Variants in PCDHA13 observed in about 807,000 individuals in gnomAD.
The protein encoded by PCDHA13 is protocadherin alpha-13.
A neutral mutation model predicts 64.8 loss-of-function variants in PCDHA13; 54 were observed. The observed-to-expected ratio is 0.83, with a 90% CI of 0.67 to 1.04. The LOEUF is 1.04. Among genes scored for constraint, PCDHA13 ranks in the 50% least tolerant of loss-of-function variants. PCDHA13 has a pLI of 0.00. For missense variants in PCDHA13, 1,248 were observed against 1,254.3 expected (o/e 0.99, Z 0.08); for synonymous variants, 587 against 564.4 (o/e 1.04, Z -0.57).
intron 3 of PCDHA13, 146 bp downstream of exon 3, chr5:140,982,709 A>G (rs2096998107): frequency 2.2e-6 from 3 of 1,375,182 alleles, no homozygotes; most frequent in Admixed American, 2.9e-5. Flanking sequence ...ATTTCCTTAC[A>G]TATATGATTA....
rs142468733 is a variant in PCDHA13 at position 140,884,535 on chromosome 5, C to G, written c.2267C>G (p.Pro756Arg). 4,368 of 1,614,034 alleles carry G rather than the reference C, an allele frequency of 2.7e-3. 82 individuals are homozygous for G. The South Asian group carries it at 0.038, about 14-fold the overall frequency. The change falls in exon 1 of 4, where the codon CCG becomes CGG. Residue 756 changes from proline to arginine, a missense_variant. Pro to Arg is a moderately radical substitution (Grantham distance 103, BLOSUM62 -2). Coordinates refer to ENST00000289272, the MANE Select transcript of PCDHA13 (RefSeq NM_018904.3). ...TGGTCGTACTCGCAGCAGAGGCGGC[C>G]GAGGGTGTGCTCTGGGGAGGGCCCG... ...GSWSYSQQRR[P>R]RVCSGEGPHK...
chr5:140,923,247 T>G (rs1230824523), intron 1 of PCDHA13, among the ~76,000 whole-genome samples: 6 of 152,252 alleles, frequency 3.9e-5, no homozygotes, highest in African/African-American at 1.4e-4. Flanking sequence ...TGAGACCAGC[T>G]GGGCAACATA....
At chr5:140,904,729 TA>T (rs1313627737) in intron 1 of PCDHA13, among the ~76,000 whole-genome samples, 4 of 152,162 alleles carry the variant, frequency 2.6e-5, no homozygotes, top group East Asian at 1.9e-4. Context: ...CAACATCTAT[TA>T]TTTTTTTATT....
At chr5:140,968,920 A>G (rs781931367) in intron 1 of PCDHA13, 1 of 1,614,120 alleles carries the variant, frequency 6.2e-7, no homozygotes, top group Admixed American at 1.7e-5. Flanking sequence ...TGTCTTTTAT[A>G]TTTCTTTTGA....
chr5:140,995,764 G>C (rs2097697128), intron 3 of PCDHA13, among the ~76,000 whole-genome samples: 1 of 152,134 alleles, frequency 6.6e-6, no homozygotes, highest in Non-Finnish European at 1.5e-5. Flanking sequence ...AGAAAATGTG[G>C]AGAGTGAAGG....
chr5:140,957,021 T>C (rs1431974405), intron 1 of PCDHA13, among the ~76,000 whole-genome samples: 3 of 152,182 alleles, frequency 2.0e-5, no homozygotes, highest in Non-Finnish European at 2.9e-5. Context: ...AGTGAGCATT[T>C]AGATATTTAT....
At chr5:140,959,568 T>A (rs1333268160) in intron 1 of PCDHA13, among the ~76,000 whole-genome samples, 1 of 152,208 alleles carries the variant, frequency 6.6e-6, no homozygotes, top group African/African-American at 2.4e-5. Flanking sequence ...GTACTAGATT[T>A]TTTGTTTCAA....
intron 1 of PCDHA13, chr5:140,969,402 T>C: frequency 6.3e-7 from 1 of 1,579,638 alleles, no homozygotes; most frequent in Non-Finnish European, 8.6e-7. Flanking sequence ...TCCTGTGATT[T>C]GGCTTTATTG....
chr5:140,995,581 G>A (rs1268400169), intron 3 of PCDHA13, among the ~76,000 whole-genome samples: 6 of 152,292 alleles, frequency 3.9e-5, no homozygotes, highest in Admixed American at 2.0e-4. Context: ...TGAGCTATGA[G>A]CTTTTAACTT....
At chr5:140,966,865 G>T (rs1554228807) in intron 1 of PCDHA13, 4 of 1,565,172 alleles carry the variant, frequency 2.6e-6, no homozygotes, top group Non-Finnish European at 1.7e-6. Context: ...TGCTGTTGCT[G>T]CTGCTGCTAC....
At chr5:140,923,020 G>A (rs946669637) in intron 1 of PCDHA13, among the ~76,000 whole-genome samples, 6 of 152,228 alleles carry the variant, frequency 3.9e-5, no homozygotes, top group Admixed American at 1.3e-4. Context: ...CTGCAGTTTC[G>A]GACTCTATTA....
chr5:141,002,099 GC>G (rs1399073427), intron 3 of PCDHA13, among the ~76,000 whole-genome samples: 9 of 152,362 alleles, frequency 5.9e-5, no homozygotes, highest in Non-Finnish European at 1.2e-4. Flanking sequence ...CAGGGGCTGG[GC>G]CGGAAACGGC....
intron 1 of PCDHA13, among the ~76,000 whole-genome samples, chr5:140,950,426 AC>A (rs386419652): frequency 1.3e-5 from 2 of 151,870 alleles, no homozygotes; most frequent in Admixed American, 6.6e-5. Flanking sequence ...ATTTTCTTCC[AC>A]TTAAAAAAAA....
intron 1 of PCDHA13, chr5:140,966,703 G>A: frequency 1.5e-6 from 2 of 1,376,398 alleles, no homozygotes; most frequent in Non-Finnish European, 1.9e-6. Flanking sequence ...CCCGGGCGTG[G>A]GGCACGGCTG....
At chr5:140,989,410 C>T (rs568177388) in intron 3 of PCDHA13, among the ~76,000 whole-genome samples, 1 of 152,230 alleles carries the variant, frequency 6.6e-6, no homozygotes, top group South Asian at 2.1e-4. Context: ...GGAGAGTCTG[C>T]ACTTCACTCT....
rs560247030 is a variant in PCDHA13, at chr5:140,910,414, C to T, written c.2394+25752C>T. On this transcript the variant is annotated intron_variant, in intron 1 of 3. Transcript: ENST00000289272. ...GACTGGCCCCTGCCACCTCGAGATC[C>T]AATTATTCCCATTGCATTTAAGTTT... Among the ~76,000 whole-genome samples the T allele has an allele frequency of 2.6e-5, 4 of 152,258 alleles. No individual in the cohort carries two copies. In the East Asian group the frequency reaches 5.8e-4, roughly 22 times the overall value.
chr5:140,967,056 G>A, intron 1 of PCDHA13: 1 of 1,612,712 alleles, frequency 6.2e-7, no homozygotes, highest in Non-Finnish European at 8.5e-7. Context: ...CTGACGAGTG[G>A]AGCGCTCTTC....
intron 3 of PCDHA13, among the ~76,000 whole-genome samples, chr5:140,994,044 G>C (rs782758789): frequency 9.9e-5 from 15 of 152,240 alleles, no homozygotes; most frequent in Middle Eastern, 3.4e-3. Flanking sequence ...ATATAACACA[G>C]TCCTGCCCTT....
At chr5:140,970,252 T>G (rs2096392828) in intron 1 of PCDHA13, among the ~76,000 whole-genome samples, 1 of 152,234 alleles carries the variant, frequency 6.6e-6, no homozygotes, top group South Asian at 2.1e-4. Flanking sequence ...GTTGACAGTT[T>G]CTATGGTTTT....
Sources: gnomAD v4.1 joint callset for allele counts (sites outside exome capture counted in the v4.1 genomes callset) on GRCh38, gnomAD v4.1.1 for gene constraint, MANE v1.5 for transcripts, NCBI Gene and HGNC (gene_info 2026-07-23, HGNC 2026-07-21) for gene names.